DCAF6: variants seen among roughly 807,000 people sequenced by gnomAD.
The protein encoded by DCAF6 is DDB1- and CUL4-associated factor 6.
Under a neutral mutation model 125.1 loss-of-function variants are expected in DCAF6, and 54 were observed. The observed-to-expected ratio is 0.43, with a 90% CI of 0.35 to 0.54. The LOEUF (loss-of-function observed/expected upper bound fraction) is 0.54. Among genes scored for constraint, DCAF6 ranks in the 20% least tolerant of loss-of-function variants. DCAF6 has a pLI of 0.01. For synonymous variants in DCAF6, 371 were observed against 390.4 expected (o/e 0.95, Z 0.58); for missense variants, 934 against 1,161.7 (o/e 0.80, Z 2.85).
the DCAF6 span, among the ~76,000 whole-genome samples, chr1:167,894,133 G>C: frequency 6.6e-6 from 1 of 152,158 alleles, no homozygotes; most frequent in Non-Finnish European, 1.5e-5. Context: ...AGAGGTTAAA[G>C]GTTTCCCAAA....
the DCAF6 span, among the ~76,000 whole-genome samples, chr1:167,897,648 G>A: frequency 1 from 2,944 of 2,944 alleles, 1,472 homozygotes; most frequent in Non-Finnish European, 1. Context: ...CACGGTCACT[G>A]CAAGACAACG....
intron 4 of DCAF6, among the ~76,000 whole-genome samples, chr1:167,982,615 G>T (rs1412809006): frequency 6.6e-6 from 1 of 152,120 alleles, no homozygotes; most frequent in African/African-American, 2.4e-5. Context: ...TAGGTTGTCT[G>T]TTTACTTTGT....
At chr1:168,009,375 C>T (rs1179325872) in intron 10 of DCAF6, among the ~76,000 whole-genome samples, 6 of 142,644 alleles carry the variant, frequency 4.2e-5, no homozygotes, top group African/African-American at 1.4e-4. Flanking sequence ...TCCTTCCTTC[C>T]TTCCTTCCTT....
Position 168,075,611 on chromosome 1 carries a change from T to A in DCAF6, c.*176T>A. On this transcript the variant is annotated 3_prime_UTR_variant, in exon 22 of 22. Coordinates refer to ENST00000367840, the MANE Select transcript of DCAF6 (RefSeq NM_001198956.2). ...GATTGTGTGCATGAATTTGGGAGAT[T>A]GTATAAAACAAAACTAGCAGAATGT... is the stretch of plus-strand genomic sequence containing the variant. The A allele has an allele frequency of 1.9e-6, 1 of 539,490 alleles. No homozygotes were observed. Among genetic ancestry groups the A allele is most frequent in the South Asian group, 3.7e-5 (1 of 27,392 alleles). 33.4% of individuals were successfully genotyped at this position (539,490 alleles called of 1,614,324 possible). A position where few individuals can be genotyped will look rare whatever the true frequency, so the allele number is the denominator to read the frequency against.
chr1:167,869,203 A>G, the DCAF6 span, among the ~76,000 whole-genome samples: 1 of 152,170 alleles, frequency 6.6e-6, no homozygotes, highest in African/African-American at 2.4e-5. Flanking sequence ...AAACTCTTAT[A>G]TAGGAGTTAT....
chr1:168,066,066 G>T (rs78875217), intron 19 of DCAF6, among the ~76,000 whole-genome samples: 4,562 of 152,204 alleles, frequency 0.03, 198 homozygotes, highest in African/African-American at 0.1. Flanking sequence ...TCTTCACATA[G>T]CTGAATTAAT....
At chr1:167,868,641 T>C in the DCAF6 span, among the ~76,000 whole-genome samples, 1 of 152,196 alleles carries the variant, frequency 6.6e-6, no homozygotes, top group Non-Finnish European at 1.5e-5. Context: ...GGTAGTTGTG[T>C]TATTGGCACT....
chr1:167,907,889 T>G, the DCAF6 span, among the ~76,000 whole-genome samples: 1 of 152,234 alleles, frequency 6.6e-6, no homozygotes, highest in African/African-American at 2.4e-5. Context: ...CAATCACACC[T>G]AATGGAAATT....
At chr1:168,044,443 A>T (rs976459051) in intron 14 of DCAF6, 142 bp from the exon 15 acceptor site, 11 of 638,904 alleles carry the variant, frequency 1.7e-5, no homozygotes, top group Non-Finnish European at 2.8e-5. Context: ...CAGTATAAGG[A>T]AGGGTATGCA....
intron 12 of DCAF6, among the ~76,000 whole-genome samples, chr1:168,035,221 G>T (rs567035017): frequency 6.6e-6 from 1 of 152,312 alleles, no homozygotes; most frequent in Non-Finnish European, 1.5e-5. Flanking sequence ...CAAGGCAGAC[G>T]GATTGCTTGA....
At chr1:167,899,666 T>C in the DCAF6 span, 1 of 1,597,916 alleles carries the variant, frequency 6.3e-7, no homozygotes, top group African/African-American at 1.3e-5. Flanking sequence ...CACAAGAAGT[T>C]CTGGATTATT....
intron 10 of DCAF6, among the ~76,000 whole-genome samples, chr1:168,015,377 TTTGA>T (rs1212006621): frequency 1.3e-5 from 2 of 152,192 alleles, no homozygotes; most frequent in Admixed American, 6.5e-5. Context: ...AATTTTGTTA[TTTGA>T]TTGAAATTAA....
At chr1:167,973,613 G>A (rs1677682334) in intron 3 of DCAF6, among the ~76,000 whole-genome samples, 1 of 152,024 alleles carries the variant, frequency 6.6e-6, no homozygotes, top group South Asian at 2.1e-4. Context: ...GTGTTTTATA[G>A]TCAATCACTG....
intron 4 of DCAF6, among the ~76,000 whole-genome samples, chr1:167,985,480 C>T (rs1679869211): frequency 1.3e-5 from 2 of 152,060 alleles, no homozygotes; most frequent in African/African-American, 4.8e-5. Context: ...CTTTTTCCAT[C>T]ATCTTGTCTC....
At chr1:168,021,486 T>G (rs1229288388) in intron 11 of DCAF6, among the ~76,000 whole-genome samples, 1 of 152,152 alleles carries the variant, frequency 6.6e-6, no homozygotes, top group Non-Finnish European at 1.5e-5. Flanking sequence ...AACTGTGAAA[T>G]GGATAAATGA....
At chr1:167,960,508 C>T (rs1019152970) in intron 2 of DCAF6, among the ~76,000 whole-genome samples, 2 of 151,892 alleles carry the variant, frequency 1.3e-5, no homozygotes, top group African/African-American at 4.8e-5. Context: ...CTCGAACCAC[C>T]AGCCAGGCTG....
the DCAF6 span, among the ~76,000 whole-genome samples, chr1:167,886,058 A>G: frequency 6.6e-6 from 1 of 152,236 alleles, no homozygotes; most frequent in Non-Finnish European, 1.5e-5. Context: ...GGACACAAAC[A>G]AATGGAAGAA....
At chr1:168,019,731 C>A (rs1295269604) in intron 11 of DCAF6, 5 of 195,756 alleles carry the variant, frequency 2.6e-5, no homozygotes, top group African/African-American at 1.2e-4. Context: ...ATTTTTATAC[C>A]CCAAAAGGGT....
intron 16 of DCAF6, among the ~76,000 whole-genome samples, chr1:168,048,020 T>C (rs190521179): frequency 6.6e-6 from 1 of 152,298 alleles, no homozygotes; most frequent in Non-Finnish European, 1.5e-5. Flanking sequence ...TAGCTGACTT[T>C]TATTCTAAAG....
Sources: gnomAD v4.1 joint callset for allele counts (sites outside exome capture counted in the v4.1 genomes callset) on GRCh38, gnomAD v4.1.1 for gene constraint, MANE v1.5 for transcripts, NCBI Gene and HGNC (gene_info 2026-07-23, HGNC 2026-07-21) for gene names.